Variants in DRC11L observed in about 807,000 individuals in gnomAD.
DRC11L encodes dynein regulatory complex subunit 11 like.
the DRC11L span, among the ~76,000 whole-genome samples, chr7:151,193,823 A>T: frequency 1.3e-5 from 2 of 151,568 alleles, no homozygotes; most frequent in Non-Finnish European, 2.9e-5. Context: ...ACTGAAAGGC[A>T]CGGGACACGG....
the DRC11L span, chr7:151,192,743 C>T: frequency 2.5e-6 from 1 of 399,204 alleles, no homozygotes; most frequent in Non-Finnish European, 4.4e-6. Flanking sequence ...GCTCCCTCAC[C>T]TCCTTGTCTT....
At chr7:151,203,230 G>A in the DRC11L span, 3 of 398,152 alleles carry the variant, frequency 7.5e-6, no homozygotes, top group Non-Finnish European at 1.3e-5. Context: ...GCCAAGTCTT[G>A]TCTTGGCGTT....
chr7:151,204,433 T>A, the DRC11L span: 2 of 334,776 alleles, frequency 6.0e-6, no homozygotes, highest in Admixed American at 9.6e-5. Flanking sequence ...TCCCAGGTGG[T>A]CAAGGCCGGT....
chr7:151,204,312 C>A, the DRC11L span, among the ~76,000 whole-genome samples: 1 of 152,214 alleles, frequency 6.6e-6, no homozygotes, highest in Non-Finnish European at 1.5e-5. Context: ...TCCTTCCTTT[C>A]CTAGCAGTTG....
At chr7:151,192,198 C>T in the DRC11L span, 78 of 398,278 alleles carry the variant, frequency 2.0e-4, no homozygotes, top group Admixed American at 3.1e-3. Context: ...GGTGAGGGCT[C>T]GCAGCAGCAA....
At chr7:151,197,159 C>A in the DRC11L span, 3 of 399,264 alleles carry the variant, frequency 7.5e-6, no homozygotes, top group East Asian at 3.6e-5. Context: ...TCCCCCACAC[C>A]TTCTCCTCCC....
the DRC11L span, among the ~76,000 whole-genome samples, chr7:151,202,205 A>G: frequency 6.6e-6 from 1 of 152,192 alleles, no homozygotes. Context: ...CAGTTATCAA[A>G]TTAATTCATC....
chr7:151,196,628 C>G, the DRC11L span: 2 of 399,278 alleles, frequency 5.0e-6, no homozygotes, highest in Non-Finnish European at 8.8e-6. Context: ...CATGCGTGCA[C>G]AAGCACATGC....
chr7:151,200,543 G>A, the DRC11L span: 7 of 398,944 alleles, frequency 1.8e-5, no homozygotes, highest in Non-Finnish European at 3.1e-5. Context: ...GGGTCCGAGA[G>A]GGTCACACTA....
the DRC11L span, chr7:151,192,557 G>C: frequency 2.5e-6 from 1 of 398,408 alleles, no homozygotes; most frequent in Non-Finnish European, 4.4e-6. Flanking sequence ...CCTCACCTCA[G>C]CCCTAGCGGG....
the DRC11L span, among the ~76,000 whole-genome samples, chr7:151,203,696 C>T: frequency 6.6e-6 from 1 of 152,176 alleles, no homozygotes; most frequent in African/African-American, 2.4e-5. Context: ...CTTCCTCTGC[C>T]CCCATCCTCT....
chr7:151,204,748 G>A, the DRC11L span: 3 of 398,976 alleles, frequency 7.5e-6, no homozygotes, highest in Admixed American at 4.4e-5. Context: ...TGCCGCTCCC[G>A]GTCGGGCGCA....
chr7:151,197,327 C>T, the DRC11L span: 1 of 399,086 alleles, frequency 2.5e-6, no homozygotes, highest in Non-Finnish European at 4.4e-6. Flanking sequence ...TCCATTCTCA[C>T]CTGTGACCAA....
chr7:151,196,516 G>A, the DRC11L span: 2 of 399,664 alleles, frequency 5.0e-6, no homozygotes, highest in Non-Finnish European at 8.8e-6. Flanking sequence ...TCATAATTCT[G>A]ACTGGGGTGT....
At chr7:151,205,405 G>A in the DRC11L span, 1 of 399,300 alleles carries the variant, frequency 2.5e-6, no homozygotes, top group Non-Finnish European at 4.4e-6. Context: ...GCCCTTTGCT[G>A]TCTCTGCCCT....
the DRC11L span, chr7:151,198,758 G>A: frequency 2.5e-6 from 1 of 399,086 alleles, no homozygotes; most frequent in Admixed American, 4.4e-5. Context: ...TGAGCGAAGG[G>A]AATGAAGGAT....
At chr7:151,203,257 CAGA>C in the DRC11L span, 11 of 398,112 alleles carry the variant, frequency 2.8e-5, no homozygotes, top group Non-Finnish European at 3.5e-5. Context: ...TTACCATCAG[CAGA>C]AGAACAGCCT....
the DRC11L span, among the ~76,000 whole-genome samples, chr7:151,194,043 C>G: frequency 6.6e-6 from 1 of 151,868 alleles, no homozygotes; most frequent in Non-Finnish European, 1.5e-5. Context: ...GGGCTGGCAG[C>G]GTGGGCTCTT....
At chr7:151,191,734 G>C in the DRC11L span, 1 of 399,284 alleles carries the variant, frequency 2.5e-6, no homozygotes, top group Non-Finnish European at 4.4e-6. Context: ...ACAGTTGCAG[G>C]AACCGCCGCT....
Sources: gnomAD v4.1 joint callset for allele counts (sites outside exome capture counted in the v4.1 genomes callset) on GRCh38, gnomAD v4.1.1 for gene constraint, MANE v1.5 for transcripts, NCBI Gene and HGNC (gene_info 2026-07-23, HGNC 2026-07-21) for gene names.